Variants in GRID2 observed in about 807,000 individuals in gnomAD.
The protein encoded by GRID2 is glutamate receptor ionotropic, delta-2.
A neutral mutation model predicts 114.8 loss-of-function variants in GRID2; 33 were observed. That is an observed-to-expected ratio of 0.29 (90% CI 0.22 to 0.38). GRID2 has a LOEUF of 0.38. Ranked by LOEUF, GRID2 falls within the 10% of genes least tolerant of loss-of-function variation. The pLI, the probability that GRID2 is intolerant of heterozygous loss-of-function variation, is 1.00. For missense variants in GRID2, 1,184 were observed against 1,257.7 expected (o/e 0.94, Z 0.89); for synonymous variants, 505 against 449.9 (o/e 1.12, Z -1.55).
chr4:92,454,765 G>A (rs2149082063), intron 1 of GRID2, among the ~76,000 whole-genome samples: 1 of 152,332 alleles, frequency 6.6e-6, no homozygotes, highest in East Asian at 1.9e-4. Flanking sequence ...GAACCCAGGA[G>A]GCAGAGCTTG....
intron 2 of GRID2, among the ~76,000 whole-genome samples, chr4:92,653,483 A>G (rs1381504141): frequency 6.6e-6 from 1 of 151,912 alleles, no homozygotes; most frequent in Non-Finnish European, 1.5e-5. Context: ...ACTAGTTTCT[A>G]CTTTTGTTCA....
chr4:93,141,231 G>A (rs187679259), intron 4 of GRID2, among the ~76,000 whole-genome samples: 9 of 151,884 alleles, frequency 5.9e-5, no homozygotes, highest in Non-Finnish European at 1.3e-4. Flanking sequence ...TTAATTAATA[G>A]GTATCTGAGG....
chr4:92,696,909 C>G (rs1317484580), intron 2 of GRID2, among the ~76,000 whole-genome samples: 1 of 152,110 alleles, frequency 6.6e-6, no homozygotes, highest in Non-Finnish European at 1.5e-5. Context: ...TTCTAATAGA[C>G]TCCACACTTC....
At chr4:92,548,280 C>T (rs1579561689) in intron 1 of GRID2, among the ~76,000 whole-genome samples, 1 of 152,048 alleles carries the variant, frequency 6.6e-6, no homozygotes, top group Admixed American at 6.6e-5. Context: ...CTCAGCACTG[C>T]ACTTGCCATG....
intron 2 of GRID2, among the ~76,000 whole-genome samples, chr4:92,945,551 T>C (rs1394317367): frequency 6.6e-6 from 1 of 152,188 alleles, no homozygotes; most frequent in Non-Finnish European, 1.5e-5. Flanking sequence ...ATTCTTACAA[T>C]TGTGATAATT....
At chr4:92,922,352 C>G (rs2149508160) in intron 2 of GRID2, among the ~76,000 whole-genome samples, 1 of 152,190 alleles carries the variant, frequency 6.6e-6, no homozygotes, top group Admixed American at 6.5e-5. Context: ...CACCCTCTGT[C>G]CTGCACCCAC....
At chr4:93,042,054 C>T (rs1725565497) in intron 2 of GRID2, among the ~76,000 whole-genome samples, 1 of 151,798 alleles carries the variant, frequency 6.6e-6, no homozygotes, top group South Asian at 2.1e-4. Flanking sequence ...AGGTGCCCGC[C>T]ACCATGCCTG....
At chr4:92,905,810 A>G (rs920281887) in intron 2 of GRID2, among the ~76,000 whole-genome samples, 1 of 146,222 alleles carries the variant, frequency 6.8e-6, no homozygotes, top group East Asian at 2.0e-4. Context: ...ACAATCAGAC[A>G]ATCAGAGGAC....
chr4:92,876,169 A>G (rs1365229522), intron 2 of GRID2, among the ~76,000 whole-genome samples: 2 of 151,892 alleles, frequency 1.3e-5, no homozygotes, highest in Admixed American at 1.3e-4. Flanking sequence ...ATGTTTAGAA[A>G]TGTCACCTTA....
intron 2 of GRID2, among the ~76,000 whole-genome samples, chr4:92,629,546 A>G (rs1036689914): frequency 1.3e-5 from 2 of 152,110 alleles, no homozygotes; most frequent in Non-Finnish European, 2.9e-5. Context: ...AATTGGATAT[A>G]ACATGCTTCT....
At position 92,325,830 on chromosome 4, in the gene GRID2, C is replaced by T. The variant is rs545725058; in HGVS notation, c.88+21086C>T. Among the ~76,000 whole-genome samples the T allele has an allele frequency of 4.0e-5, 6 of 151,758 alleles. No individual in the cohort carries two copies. In the East Asian group the frequency reaches 1.2e-3, roughly 29 times the overall value. On this transcript the variant is annotated intron_variant, in intron 1 of 15. Coordinates refer to ENST00000282020, the MANE Select transcript of GRID2 (RefSeq NM_001510.4). ...TATATCTTTAAAGTCATAATCTCTT[C>T]AATCTATATTGTTTTCTGATTTTTA...
chr4:92,321,186 G>T (rs1214562789), intron 1 of GRID2, among the ~76,000 whole-genome samples: 1 of 152,288 alleles, frequency 6.6e-6, no homozygotes, highest in East Asian at 1.9e-4. Context: ...CCTGAAGTGG[G>T]ACAGAGATCC....
At chr4:93,331,958 G>T (rs1758510880) in intron 8 of GRID2, among the ~76,000 whole-genome samples, 2 of 152,048 alleles carry the variant, frequency 1.3e-5, no homozygotes, top group South Asian at 4.2e-4. Flanking sequence ...CTCTCTAATA[G>T]CTTTCATTTT....
chr4:93,022,868 C>T (rs763177837), intron 2 of GRID2, among the ~76,000 whole-genome samples: 4 of 151,516 alleles, frequency 2.6e-5, no homozygotes, highest in Non-Finnish European at 5.9e-5. Context: ...AAATATTTCC[C>T]TCATGTTCAT....
intron 8 of GRID2, among the ~76,000 whole-genome samples, chr4:93,245,340 T>C (rs1235115947): frequency 6.6e-6 from 1 of 152,160 alleles, no homozygotes; most frequent in Non-Finnish European, 1.5e-5. Context: ...CATAATTATT[T>C]GCATTTAAAT....
chr4:93,668,281 G>C (rs1430119044), intron 14 of GRID2, among the ~76,000 whole-genome samples: 1 of 151,902 alleles, frequency 6.6e-6, no homozygotes, highest in Non-Finnish European at 1.5e-5. Flanking sequence ...TTAAGACTAT[G>C]ATACCATGAG....
intron 2 of GRID2, among the ~76,000 whole-genome samples, chr4:92,686,034 A>C (rs1733881674): frequency 6.6e-6 from 1 of 152,060 alleles, no homozygotes. Flanking sequence ...GAAAAAAATC[A>C]ATTTACATTC....
intron 1 of GRID2, among the ~76,000 whole-genome samples, chr4:92,472,189 TCCCAAAG>T (rs1267265230): frequency 6.6e-5 from 4 of 61,028 alleles, no homozygotes; most frequent in African/African-American, 1.9e-4. Flanking sequence ...CGCCTCGGCC[TCCCAAAG>T]TGCTGGGATT....
intron 2 of GRID2, among the ~76,000 whole-genome samples, chr4:93,053,351 A>G (rs1010933932): frequency 5.3e-5 from 8 of 151,798 alleles, no homozygotes; most frequent in Non-Finnish European, 7.4e-5. Flanking sequence ...CATTTTTTGA[A>G]GTCTTGTTTT....
Sources: allele counts gnomAD v4.1 joint callset (sites outside exome capture counted in the v4.1 genomes callset), GRCh38; gene constraint gnomAD v4.1.1; transcripts MANE v1.5; gene names NCBI Gene and HGNC (gene_info 2026-07-23, HGNC 2026-07-21).